FAF1: variants seen among roughly 807,000 people sequenced by gnomAD.
The protein encoded by FAF1 is Fas associated factor 1.
FAF1 carries 25 observed loss-of-function variants against 92.5 expected under a neutral mutation model. The ratio of observed to expected loss-of-function variants is 0.27; its 90% CI spans 0.20 to 0.38. The LOEUF is 0.38. FAF1 is among the 10% of genes least tolerant of loss of function. FAF1 has a pLI of 1.00. For synonymous variants in FAF1, 234 were observed against 273.2 expected (o/e 0.86, Z 1.42); for missense variants, 636 against 793.3 (o/e 0.80, Z 2.38).
At chr1:50,942,225 A>G (rs2124754715) in intron 1 of FAF1, among the ~76,000 whole-genome samples, 1 of 152,324 alleles carries the variant, frequency 6.6e-6, no homozygotes, top group East Asian at 1.9e-4. Context: ...TTCAGGCCAG[A>G]TGCGGTGGCT....
At chr1:50,723,399 A>C (rs12743582) in intron 6 of FAF1, among the ~76,000 whole-genome samples, 30,547 of 140,176 alleles carry the variant, frequency 0.22, 3,780 homozygotes, top group Middle Eastern at 0.41. Context: ...GACTGTCTCC[A>C]AAAAAAAAAA....
chr1:50,872,060 A>T (rs1644532384), intron 1 of FAF1, among the ~76,000 whole-genome samples: 1 of 140,652 alleles, frequency 7.1e-6, no homozygotes, highest in Non-Finnish European at 1.5e-5. Context: ...GCCAGACTCC[A>T]TCTCAAAAAA....
chr1:50,484,192 T>C (rs1646734701), intron 17 of FAF1, among the ~76,000 whole-genome samples: 1 of 152,222 alleles, frequency 6.6e-6, no homozygotes, highest in Admixed American at 6.5e-5. Context: ...TCTCTATTCC[T>C]GGCAACCTGG....
intron 2 of FAF1, among the ~76,000 whole-genome samples, chr1:50,848,934 A>C (rs1644325376): frequency 6.6e-6 from 1 of 152,218 alleles, no homozygotes; most frequent in Non-Finnish European, 1.5e-5. Flanking sequence ...AAATCTAGTA[A>C]TAGTCAGATA....
intron 4 of FAF1, among the ~76,000 whole-genome samples, chr1:50,785,118 GC>G (rs557105791): frequency 1.7e-5 from 2 of 119,334 alleles, no homozygotes; most frequent in Non-Finnish European, 3.2e-5. Context: ...GGGTGACAGA[GC>G]AAGACCCTAT....
At chr1:50,790,774 C>G (rs1661535467) in intron 3 of FAF1, among the ~76,000 whole-genome samples, 1 of 151,782 alleles carries the variant, frequency 6.6e-6, no homozygotes, top group African/African-American at 2.4e-5. Context: ...TACAATTAAG[C>G]AGAAAAATAT....
chr1:50,784,601 T>A (rs1229275284), intron 4 of FAF1, among the ~76,000 whole-genome samples: 1 of 152,198 alleles, frequency 6.6e-6, no homozygotes, highest in Non-Finnish European at 1.5e-5. Flanking sequence ...TGTTAAAATG[T>A]CCATACTATC....
chr1:50,767,963 T>C (rs998925538), intron 4 of FAF1, among the ~76,000 whole-genome samples: 1 of 152,182 alleles, frequency 6.6e-6, no homozygotes, highest in Non-Finnish European at 1.5e-5. Flanking sequence ...ACTTTGAATG[T>C]AAATGGGCTA....
chr1:50,876,456 T>C lies in FAF1; in HGVS notation c.46-18459A>G, dbSNP rs889688145. Reference sequence around the variant, plus strand: ...ACACCTTGTAGTGCCAGAATGCAAGTAAGTGTTCAAATGTAAACACCACAC... The same window carrying C: ...ACACCTTGTAGTGCCAGAATGCAAGCAAGTGTTCAAATGTAAACACCACAC... On this transcript the variant is annotated intron_variant, in intron 1 of 18. Coordinates refer to ENST00000396153, the MANE Select transcript of FAF1 (RefSeq NM_007051.3). 9.9e-5 allele frequency among the ~76,000 whole-genome samples: 15 copies of C among 152,280 alleles called. No individual in the cohort carries two copies. The East Asian group carries it at 2.7e-3, about 27-fold the overall frequency.
intron 1 of FAF1, among the ~76,000 whole-genome samples, chr1:50,885,857 T>C (rs1042438846): frequency 5.9e-5 from 9 of 152,158 alleles, no homozygotes; most frequent in African/African-American, 1.7e-4. Context: ...ATTCTGTATG[T>C]TTTTATATTG....
At chr1:50,539,296 C>G (rs1009562656) in intron 14 of FAF1, among the ~76,000 whole-genome samples, 4 of 152,184 alleles carry the variant, frequency 2.6e-5, no homozygotes, top group African/African-American at 9.7e-5. Flanking sequence ...AAATGTCACA[C>G]TTGACAACTG....
At chr1:50,951,826 G>T (rs568764175) in intron 1 of FAF1, among the ~76,000 whole-genome samples, 3 of 152,194 alleles carry the variant, frequency 2.0e-5, no homozygotes, top group East Asian at 1.9e-4. Flanking sequence ...TATCTGTTTG[G>T]ATCAATACCA....
At chr1:50,893,992 ACTACTGCCAGG>A (rs983260236) in intron 1 of FAF1, among the ~76,000 whole-genome samples, 14 of 152,130 alleles carry the variant, frequency 9.2e-5, no homozygotes, top group African/African-American at 3.4e-4. Flanking sequence ...ACCCATAGGG[ACTACTGCCAGG>A]CTACTGCCAA....
At chr1:50,559,506 T>C (rs370031236) in intron 13 of FAF1, among the ~76,000 whole-genome samples, 4 of 152,180 alleles carry the variant, frequency 2.6e-5, no homozygotes, top group African/African-American at 7.2e-5. Context: ...AACCCTACAC[T>C]AATAAAGTCA....
intron 6 of FAF1, among the ~76,000 whole-genome samples, chr1:50,711,703 G>A (rs981504351): frequency 1.3e-5 from 2 of 152,010 alleles, no homozygotes; most frequent in African/African-American, 4.8e-5. Context: ...CTGACCTCGT[G>A]ATCTGCCCGC....
intron 8 of FAF1, among the ~76,000 whole-genome samples, chr1:50,638,543 C>G (rs996301529): frequency 6.7e-6 from 1 of 149,462 alleles, no homozygotes; most frequent in African/African-American, 2.5e-5. Context: ...CTCATGGGTT[C>G]AAGCAATTCT....
chr1:50,598,574 T>C (rs756915953), intron 8 of FAF1, among the ~76,000 whole-genome samples: 9 of 151,674 alleles, frequency 5.9e-5, no homozygotes, highest in South Asian at 2.1e-4. Flanking sequence ...ACTTGCTACA[T>C]AGTAGATATT....
At chr1:50,593,955 G>A (rs892284504) in intron 9 of FAF1, among the ~76,000 whole-genome samples, 1 of 152,016 alleles carries the variant, frequency 6.6e-6, no homozygotes, top group Non-Finnish European at 1.5e-5. Flanking sequence ...AATGTAAATG[G>A]AAAAAAATTT....
At chr1:50,810,886 T>C (rs531928024) in intron 2 of FAF1, among the ~76,000 whole-genome samples, 2 of 152,258 alleles carry the variant, frequency 1.3e-5, no homozygotes, top group East Asian at 1.9e-4. Flanking sequence ...CCGTCTCTAC[T>C]GAAAACACAA....
Sources: gnomAD v4.1 joint callset for allele counts (sites outside exome capture counted in the v4.1 genomes callset) on GRCh38, gnomAD v4.1.1 for gene constraint, MANE v1.5 for transcripts, NCBI Gene and HGNC (gene_info 2026-07-23, HGNC 2026-07-21) for gene names.